ENDOV: variants seen among roughly 807,000 people sequenced by gnomAD.
The protein encoded by ENDOV is hEndoV.
In ENDOV, 37 loss-of-function variants were observed where a neutral mutation model predicts 39.4. The ratio of observed to expected loss-of-function variants is 0.94; its 90% CI spans 0.72 to 1.23. ENDOV has a LOEUF of 1.23. Ranked by LOEUF, ENDOV falls within the 50% of genes most tolerant of loss-of-function variation. The pLI is 0.00. For synonymous variants in ENDOV, 186 were observed against 163.4 expected (o/e 1.14, Z -1.05); for missense variants, 441 against 375.7 (o/e 1.17, Z -1.44).
At chr17:80,423,494 AC>A in intron 4 of ENDOV, 25 bp from the exon 5 acceptor site, 2 of 1,514,166 alleles carry the variant, frequency 1.3e-6, no homozygotes, top group Non-Finnish European at 1.8e-6. Context: ...CACCTCCCCA[AC>A]CCCACCCTCC....
chr17:80,419,948 A>G (rs41298682), intron 2 of ENDOV: 20,274 of 401,658 alleles, frequency 0.05, 605 homozygotes, highest in Middle Eastern at 0.099. Context: ...TACGCTAATC[A>G]TACAGTGATT....
At position 80,436,126 on chromosome 17, in the gene ENDOV, C is replaced by T. The variant is rs370764433; in HGVS notation, c.839-7C>T. 68 of 1,610,930 alleles carry T rather than the reference C, an allele frequency of 4.2e-5. No homozygotes were observed. In the East Asian group the frequency reaches 5.8e-4, roughly 14 times the overall value. ...TCTTGCCTCATTGCTCTGGCTGGAA[C>T]GTCTAGCACTTTGTTGAACGTGGTG... On this transcript the variant is annotated splice_region_variant and splice_polypyrimidine_tract_variant and intron_variant, in intron 9 of 9. Coordinates refer to ENST00000518137, the MANE Select transcript of ENDOV (RefSeq NM_173627.5).
chr17:80,428,483 G>C lies in ENDOV; in HGVS notation c.715-113G>C, dbSNP rs1321330642. Reference sequence around the variant, plus strand: ...GAGCCTGAAGAACTGGCTGTGACCTGTGTGTCCTGAGTGGGCTTCTGTGGG... The same window carrying C: ...GAGCCTGAAGAACTGGCTGTGACCTCTGTGTCCTGAGTGGGCTTCTGTGGG... On this transcript the variant is annotated intron_variant, in intron 7 of 9. Transcript: ENST00000518137. The C allele has an allele frequency of 1.1e-5, 11 of 1,017,762 alleles. No homozygotes were observed. In the East Asian group the frequency reaches 1.8e-4, roughly 17 times the overall value. 63.0% of individuals were successfully genotyped at this position (1,017,762 alleles called of 1,614,324 possible).
chr17:80,427,372 C>A (rs903540805), intron 7 of ENDOV: 40 of 961,390 alleles, frequency 4.2e-5, no homozygotes, highest in Non-Finnish European at 4.5e-5. Flanking sequence ...TCTGCCTCAG[C>A]GCGCCCCAGA....
chr17:80,417,610 C>T (rs2081378785), intron 2 of ENDOV: 1 of 152,210 alleles, frequency 6.6e-6, no homozygotes, highest in African/African-American at 2.4e-5. Context: ...GATCCACTCA[C>T]CTCCCTAGAG....
intron 7 of ENDOV, chr17:80,427,444 C>G: frequency 4.1e-6 from 4 of 985,454 alleles, no homozygotes; most frequent in Non-Finnish European, 4.8e-6. Flanking sequence ...CCTTAAGCAT[C>G]TAGAAATAGA....
chr17:80,431,636 A>T (rs948130568), intron 9 of ENDOV, among the ~76,000 whole-genome samples: 2 of 152,090 alleles, frequency 1.3e-5, no homozygotes, highest in Non-Finnish European at 2.9e-5. Flanking sequence ...TCCATGCTTC[A>T]GGGTGTCAGT....
intron 9 of ENDOV, among the ~76,000 whole-genome samples, chr17:80,434,769 G>A (rs181160589): frequency 4.7e-4 from 71 of 152,272 alleles, no homozygotes; most frequent in African/African-American, 1.6e-3. Flanking sequence ...AACATAGTGA[G>A]ACCTCATCTC....
chr17:80,422,118 C>G, intron 3 of ENDOV, 88 bp from the exon 4 acceptor site: 1 of 1,586,714 alleles, frequency 6.3e-7, no homozygotes, highest in South Asian at 1.1e-5. Context: ...ACCCCAGAGA[C>G]AGTGCCCCCT....
chr17:80,432,013 G>T lies in ENDOV; in HGVS notation c.838+2182G>T, dbSNP rs41301904. Among the ~76,000 whole-genome samples the T allele has an allele frequency of 1.4e-4, 21 of 152,256 alleles. No individual in the cohort carries two copies. The East Asian group carries it at 3.9e-3, about 28-fold the overall frequency. The stretch of plus-strand genomic sequence containing the variant: ...TGGGAGGGGTGTCAGCTGTGGAGCT[G>T]TGTGAGCCTCGGGGACAGCCACATG... On this transcript the variant is annotated intron_variant, in intron 9 of 9. Transcript: ENST00000518137.
intron 7 of ENDOV, chr17:80,427,923 T>C: frequency 8.4e-7 from 1 of 1,185,804 alleles, no homozygotes; most frequent in Non-Finnish European, 1.1e-6. Flanking sequence ...GCTGGGGGAT[T>C]AGCCGTTGCT....
Position 80,415,869 on chromosome 17 carries a change from G to C in ENDOV, c.228+48G>C, listed in dbSNP as rs1474499910. ...TCGAGGCGGGCCCCTCGGTGGGCTCGGGCGTGCGGTCTCCGGGACAGGGAG... is the reference window on the plus strand; with the variant it reads ...TCGAGGCGGGCCCCTCGGTGGGCTCCGGCGTGCGGTCTCCGGGACAGGGAG... On this transcript the variant is annotated intron_variant, in intron 2 of 9. Transcript: ENST00000518137. 3.9e-6 allele frequency: 6 copies of C among 1,550,190 alleles called. No homozygotes were observed. In the African/African-American group the frequency reaches 4.1e-5, roughly 11 times the overall value.
chr17:80,436,790 TCTCTC>T lies in ENDOV; in HGVS notation c.*651_*655del, dbSNP rs2083609177. ...CCTCATAGATTGGGTTAGGAAATGT[TCTCTC>T]CTCCGTTTTTTTTGGAAGAGAGAGA... On this transcript the variant is annotated 3_prime_UTR_variant, in exon 10 of 10. Transcript: ENST00000518137. The T allele has an allele frequency of 6.6e-6, 1 of 152,600 alleles. No homozygotes were observed. The highest frequency in any genetic ancestry group is 2.5e-5 in the African/African-American group (1 of 39,992). 9.5% of individuals were successfully genotyped at this position (152,600 alleles called of 1,614,324 possible).
intron 9 of ENDOV, among the ~76,000 whole-genome samples, chr17:80,431,248 G>A (rs1234006084): frequency 6.6e-6 from 1 of 152,228 alleles, no homozygotes; most frequent in Non-Finnish European, 1.5e-5. Flanking sequence ...TGAGGGAACA[G>A]GTACACAGGC....
At chr17:80,427,643 C>T (rs1248317836) in intron 7 of ENDOV, 1 of 1,206,234 alleles carries the variant, frequency 8.3e-7, no homozygotes, top group South Asian at 1.4e-5. Flanking sequence ...CCATTTTCTT[C>T]CTGAGCTCAC....
In ENDOV at chr17:80,422,191, C is replaced by G; in HGVS notation, c.364-15C>G. On this transcript the variant is annotated splice_polypyrimidine_tract_variant and intron_variant, in intron 3 of 9. Transcript: ENST00000518137. ...GGCAGCTCAGCTGACTGTGACTCTCCCTGTGGCTCCATAGGTCCTTCTTGT... is the reference window on the plus strand; with the variant it reads ...GGCAGCTCAGCTGACTGTGACTCTCGCTGTGGCTCCATAGGTCCTTCTTGT... 6.2e-7 allele frequency: 1 copy of G among 1,613,630 alleles called. No homozygotes were observed.
intron 8 of ENDOV, 146 bp from the exon 9 acceptor site, chr17:80,429,627 C>A: frequency 1.4e-6 from 1 of 713,254 alleles, no homozygotes; most frequent in Non-Finnish European, 2.2e-6. Flanking sequence ...GTCTGAGCAG[C>A]GTGCTCTGCC....
intron 6 of ENDOV, 30 bp downstream of exon 6, chr17:80,425,130 A>G (rs748294568): frequency 1.3e-6 from 2 of 1,582,242 alleles, no homozygotes; most frequent in Non-Finnish European, 8.6e-7. Context: ...AGCTCCTCCA[A>G]AGCCCCGGGG....
intron 2 of ENDOV, 30 bp downstream of exon 2, chr17:80,415,851 G>T (rs781609738): frequency 1.9e-6 from 3 of 1,567,756 alleles, no homozygotes; most frequent in Non-Finnish European, 2.6e-6. Context: ...AGCTCGAGGC[G>T]GGCCCCTCGG....
Sources: allele counts gnomAD v4.1 joint callset (sites outside exome capture counted in the v4.1 genomes callset), GRCh38; gene constraint gnomAD v4.1.1; transcripts MANE v1.5; gene names NCBI Gene and HGNC (gene_info 2026-07-23, HGNC 2026-07-21).